The following SPINK5 variants were observed in gnomAD, a reference collection of about 807,000 sequenced individuals.
The protein encoded by SPINK5 is serine peptidase inhibitor Kazal type 5, also known as serine protease inhibitor Kazal-type 5.
SPINK5 carries 125 observed loss-of-function variants against 151.8 expected under a neutral mutation model. The ratio of observed to expected loss-of-function variants is 0.82; its 90% CI spans 0.71 to 0.96. SPINK5 has a LOEUF of 0.96. SPINK5 is among the 40% of genes least tolerant of loss of function. The probability of loss-of-function intolerance (pLI) is 0.00; values close to 1 mark genes in which losing one functional copy is unlikely to be tolerated. For synonymous variants in SPINK5, 374 were observed against 395.3 expected (o/e 0.95, Z 0.64); for missense variants, 1,194 against 1,291.9 (o/e 0.92, Z 1.16).
At chr5:148,083,602 A>G (rs1351197339) in intron 4 of SPINK5, among the ~76,000 whole-genome samples, 1 of 151,358 alleles carries the variant, frequency 6.6e-6, no homozygotes, top group African/African-American at 2.4e-5. Context: ...TCTATTGTCA[A>G]TTTCTTTGTC....
At chr5:148,070,207 T>C in intron 2 of SPINK5, 116 bp from the exon 3 acceptor site, 1 of 1,250,352 alleles carries the variant, frequency 8.0e-7, no homozygotes, top group Non-Finnish European at 1.1e-6. Flanking sequence ...TCAAAAAACC[T>C]TGGAATTGTG....
intron 8 of SPINK5, among the ~76,000 whole-genome samples, chr5:148,093,354 T>TG (rs1753364454): frequency 6.6e-6 from 1 of 151,724 alleles, no homozygotes; most frequent in African/African-American, 2.4e-5. Context: ...TTTTTTTTGG[T>TG]GGGGGGAAGT....
chr5:148,123,521 G>GTGTGTGTGTATATATATATATATATA (rs1328976077), intron 26 of SPINK5, among the ~76,000 whole-genome samples: 6 of 25,012 alleles, frequency 2.4e-4, no homozygotes, highest in African/African-American at 4.8e-4. Flanking sequence ...CAATATATGT[G>GTGTGTGTGTATATATATATATATATA]TATATATATA....
In SPINK5 at chr5:148,123,445, C is replaced by CTATATATATATA. The variant is rs201986132; in HGVS notation, c.2539-378_2539-377insTATATATATATA. ...ATATAGATATATATTATCTATCTATCTATATATATAATCTTGTTATATATA... is the reference window on the plus strand; with the variant it reads ...ATATAGATATATATTATCTATCTATCTATATATATATATATATATATAATCTTGTTATATATA... On this transcript the variant is annotated intron_variant, in intron 26 of 32. Transcript: ENST00000256084. Among the ~76,000 whole-genome samples, 7 of 130,348 alleles carry CTATATATATATA rather than the reference C, an allele frequency of 5.4e-5. 1 individual carries two copies. Among genetic ancestry groups the CTATATATATATA allele is most frequent in the East Asian group, 4.4e-4 (2 of 4,506 alleles). 85.5% of individuals were successfully genotyped at this position (130,348 alleles called of 152,430 possible).
chr5:148,072,357 T>G (rs1474228820), intron 4 of SPINK5, 137 bp downstream of exon 4: 3 of 874,042 alleles, frequency 3.4e-6, no homozygotes, highest in Non-Finnish European at 5.6e-6. Context: ...CATGGGTTAG[T>G]CCAGGGGTGG....
chr5:148,105,647 G>T (rs1019353810), intron 16 of SPINK5, among the ~76,000 whole-genome samples: 3 of 151,508 alleles, frequency 2.0e-5, no homozygotes, highest in African/African-American at 2.4e-5. Flanking sequence ...ATGGAGTCTC[G>T]CTCTGTTGCC....
chr5:148,122,790 C>A (rs1172319238), intron 26 of SPINK5, among the ~76,000 whole-genome samples: 1 of 150,670 alleles, frequency 6.6e-6, no homozygotes, highest in African/African-American at 2.4e-5. Flanking sequence ...GGGGATGATG[C>A]GTATTTATCT....
chr5:148,086,417 G>A lies in SPINK5; in HGVS notation c.295G>A (p.Asp99Asn). 1 of 1,610,864 alleles carries A rather than the reference G, an allele frequency of 6.2e-7. No individual in the cohort carries two copies. Among genetic ancestry groups the A allele is most frequent in the Non-Finnish European group, 8.5e-7 (1 of 1,178,462 alleles). The change falls in exon 5 of 33, where the codon GAT becomes AAT. Residue 99 changes from aspartate (D) to asparagine (N), a missense_variant. Physicochemically the swap from Asp to Asn is conservative, Grantham distance 23. Transcript: ENST00000256084. ...ATAPTELNCD[D>N]FKKGERDGDF... is the part of the protein sequence containing the mutation. ...ATGTCTTTTGCAGCTGAATTGTGAT[G>A]ATTTTAAAAAAGGAGAAAGAGATGG...
chr5:148,115,948 A>T (rs771564080), intron 21 of SPINK5, among the ~76,000 whole-genome samples: 6 of 151,258 alleles, frequency 4.0e-5, no homozygotes, highest in Non-Finnish European at 7.4e-5. Context: ...CAGCCTCCCT[A>T]GTAGCTGGGG....
intron 32 of SPINK5, among the ~76,000 whole-genome samples, chr5:148,135,936 T>C (rs769104883): frequency 1.3e-5 from 2 of 152,178 alleles, no homozygotes; most frequent in Non-Finnish European, 2.9e-5. Context: ...ACATAGGTCT[T>C]TAGAGTTTTA....
chr5:148,104,455 C>G (rs1310089016), intron 15 of SPINK5, among the ~76,000 whole-genome samples: 1 of 152,182 alleles, frequency 6.6e-6, no homozygotes, highest in Non-Finnish European at 1.5e-5. Flanking sequence ...CTCTTGCACA[C>G]CATTCTCTTG....
Position 148,124,751 on chromosome 5 carries a change from TA to T in SPINK5, c.2667-12del, listed in dbSNP as rs368593462. 620 of 1,525,722 alleles carry T rather than the reference TA, an allele frequency of 4.1e-4. No homozygotes were observed. The highest frequency in any genetic ancestry group is 2.1e-3 in the South Asian group (160 of 75,358). 94.5% of individuals were successfully genotyped at this position (1,525,722 alleles called of 1,614,324 possible). ...TGAAAAATTACCCTATCTTTTTTTT[TA>T]ATTATTCTGCAGTGATCGAGAAGCT... On this transcript the variant is annotated splice_polypyrimidine_tract_variant and intron_variant, in intron 27 of 32. Transcript: ENST00000256084.
chr5:148,089,748 A>T, intron 7 of SPINK5, 127 bp downstream of exon 7: 7 of 1,373,620 alleles, frequency 5.1e-6, no homozygotes, highest in Non-Finnish European at 7.2e-6. Flanking sequence ...ACTGTGAAAT[A>T]GCCTTTCTCA....
At position 148,105,378 on chromosome 5, in the gene SPINK5, T is replaced by A. The variant is rs540112310; in HGVS notation, c.1479+378T>A. On this transcript the variant is annotated intron_variant, in intron 16 of 32. Coordinates refer to ENST00000256084, the MANE Select transcript of SPINK5 (RefSeq NM_006846.4). The stretch of plus-strand genomic sequence containing the variant: ...GTATAAGATCTCAATCATTCCAATT[T>A]ACAAAACGAAAGCACATATATTATC... Among the ~76,000 whole-genome samples, 8 of 152,320 alleles carry A rather than the reference T, an allele frequency of 5.3e-5. 1 individual carries two copies. The South Asian group carries it at 1.7e-3, about 32-fold the overall frequency.
At position 148,108,808 on chromosome 5, in the gene SPINK5, G is replaced by A; in HGVS notation, c.1663G>A (p.Ala555Thr). The change falls in exon 18 of 33, where the codon GCT (alanine) becomes ACT (threonine). Residue 555 changes from alanine (A) to threonine (T), a missense_variant. Coordinates refer to ENST00000256084, the MANE Select transcript of SPINK5 (RefSeq NM_006846.4). ...NDKEEKGKVE[A>T]EKVKREAVQE... ...TAAAGAAGAAAAAGGGAAAGTCGAG[G>A]CTGAAAAAGTTAAGAGAGAAGCAGT... 6.2e-7 allele frequency: 1 copy of A among 1,612,304 alleles called. No homozygotes were observed. Among genetic ancestry groups the A allele is most frequent in the Admixed American group, 1.7e-5 (1 of 59,952 alleles).
intron 17 of SPINK5, among the ~76,000 whole-genome samples, chr5:148,108,217 A>T (rs1753831194): frequency 6.6e-6 from 1 of 152,230 alleles, no homozygotes; most frequent in Non-Finnish European, 1.5e-5. Flanking sequence ...TCAACCCCCA[A>T]AGATTAGCAG....
chr5:148,078,562 T>A (rs1040486224), intron 4 of SPINK5, among the ~76,000 whole-genome samples: 2 of 150,898 alleles, frequency 1.3e-5, no homozygotes, highest in East Asian at 2.0e-4. Flanking sequence ...AATTTTAATA[T>A]ATTAAAATCA....
intron 32 of SPINK5, 147 bp from the exon 33 acceptor site, chr5:148,136,836 A>C: frequency 9.4e-7 from 1 of 1,060,062 alleles, no homozygotes; most frequent in Non-Finnish European, 1.4e-6. Flanking sequence ...AACTGGATAA[A>C]ATGTGAAAGT....
At chr5:148,133,667 C>A in intron 31 of SPINK5, 130 bp from the exon 32 acceptor site, 3 of 808,992 alleles carry the variant, frequency 3.7e-6, no homozygotes, top group Non-Finnish European at 6.3e-6. Context: ...TAGTTGAATG[C>A]AGATCCCAGA....
Sources: gnomAD v4.1 joint callset for allele counts (sites outside exome capture counted in the v4.1 genomes callset) on GRCh38, gnomAD v4.1.1 for gene constraint, MANE v1.5 for transcripts, NCBI Gene and HGNC (gene_info 2026-07-23, HGNC 2026-07-21) for gene names.